NAV2: variants seen among roughly 807,000 people sequenced by gnomAD.
NAV2 encodes the protein helicase, APC down-regulated 1.
A neutral mutation model predicts 223.2 loss-of-function variants in NAV2; 54 were observed. The observed-to-expected ratio is 0.24, with a 90% CI of 0.19 to 0.30. NAV2 has a LOEUF of 0.30. Among genes scored for constraint, NAV2 ranks in the 10% least tolerant of loss-of-function variants. The probability of loss-of-function intolerance (pLI) is 1.00; values close to 1 mark genes in which losing one functional copy is unlikely to be tolerated. For missense variants in NAV2, 2,806 were observed against 3,147.5 expected (o/e 0.89, Z 2.60); for synonymous variants, 1,279 against 1,239.3 (o/e 1.03, Z -0.67).
At chr11:19,528,855 G>A (rs973607632) in intron 1 of NAV2, among the ~76,000 whole-genome samples, 2 of 150,524 alleles carry the variant, frequency 1.3e-5, no homozygotes, top group Admixed American at 6.6e-5. Context: ...ACTTGAACTC[G>A]GGAGGTGGAG....
At chr11:19,988,917 G>A (rs1555181975) in intron 11 of NAV2, among the ~76,000 whole-genome samples, 1 of 152,186 alleles carries the variant, frequency 6.6e-6, no homozygotes, top group Non-Finnish European at 1.5e-5. Flanking sequence ...TGATCTGGAG[G>A]AAAGAGTTTA....
At chr11:19,534,971 G>A in intron 1 of NAV2, among the ~76,000 whole-genome samples, 1 of 152,264 alleles carries the variant, frequency 6.6e-6, no homozygotes, top group East Asian at 1.9e-4. Context: ...TTCCATTGTA[G>A]GGCTGTTTTG....
intron 1 of NAV2, among the ~76,000 whole-genome samples, chr11:19,672,093 G>A (rs540061728): frequency 6.6e-6 from 1 of 152,318 alleles, no homozygotes; most frequent in East Asian, 1.9e-4. Flanking sequence ...GGAGGAATGA[G>A]ATTAGGCTGA....
At chr11:19,496,750 G>A (rs564264101) in intron 1 of NAV2, among the ~76,000 whole-genome samples, 126 of 152,210 alleles carry the variant, frequency 8.3e-4, no homozygotes, top group African/African-American at 3.0e-3. Context: ...TAATGCTATC[G>A]AATGAACAAG....
At chr11:19,755,251 A>G (rs1002338163) in intron 1 of NAV2, among the ~76,000 whole-genome samples, 1 of 152,228 alleles carries the variant, frequency 6.6e-6, no homozygotes, top group Middle Eastern at 3.2e-3. Flanking sequence ...GTAGACAACT[A>G]AAAATAAGAG....
intron 11 of NAV2, among the ~76,000 whole-genome samples, chr11:20,005,691 GCT>G (rs1348825093): frequency 6.6e-6 from 1 of 152,182 alleles, no homozygotes; most frequent in African/African-American, 2.4e-5. Flanking sequence ...TGAGCTGAAT[GCT>G]CAAAGTATTT....
chr11:19,550,440 T>C (rs2044653233), intron 1 of NAV2, among the ~76,000 whole-genome samples: 2 of 152,316 alleles, frequency 1.3e-5, no homozygotes, highest in Middle Eastern at 3.4e-3. Flanking sequence ...AAGTCTGGGA[T>C]TGACAATTTC....
rs967811447 is a variant in NAV2, at chr11:19,975,054, A to C, written c.2646-9071A>C. ...CACCATCTGTTTCATTCTAAGAAAG[A>C]GCTTAAAGGGGCTTTGTCTAGAGAA... is the stretch of plus-strand genomic sequence containing the variant. On this transcript the variant is annotated intron_variant, in intron 10 of 37. Transcript: ENST00000349880. Among the ~76,000 whole-genome samples, 3 of 152,166 alleles carry C rather than the reference A, an allele frequency of 2.0e-5. No homozygotes were observed. In the East Asian group the frequency reaches 5.8e-4, roughly 29 times the overall value.
At chr11:19,399,159 A>G (rs1397663378) in intron 1 of NAV2, among the ~76,000 whole-genome samples, 1 of 152,194 alleles carries the variant, frequency 6.6e-6, no homozygotes, top group Non-Finnish European at 1.5e-5. Context: ...GATATTAAGA[A>G]GATAAATTAG....
chr11:19,858,089 CT>C (rs1365424276), intron 3 of NAV2, among the ~76,000 whole-genome samples: 1 of 152,198 alleles, frequency 6.6e-6, no homozygotes, highest in Non-Finnish European at 1.5e-5. Context: ...ATCTCCTGAC[CT>C]TGTGATCCAC....
chr11:19,526,553 T>C (rs1005598283), intron 1 of NAV2, among the ~76,000 whole-genome samples: 3 of 152,118 alleles, frequency 2.0e-5, no homozygotes, highest in Admixed American at 1.3e-4. Context: ...CACTCCAGGA[T>C]TGGATGAAGA....
intron 2 of NAV2, among the ~76,000 whole-genome samples, chr11:19,836,547 G>A (rs1167311563): frequency 7.1e-6 from 1 of 140,308 alleles, no homozygotes; most frequent in Non-Finnish European, 1.5e-5. Context: ...CTGGGCGACA[G>A]AGCGAGACTC....
intron 1 of NAV2, among the ~76,000 whole-genome samples, chr11:19,522,778 C>T (rs1202373341): frequency 1.2e-4 from 18 of 152,182 alleles, no homozygotes; most frequent in Admixed American, 1.2e-3. Flanking sequence ...ATGCTCTGTC[C>T]AAGCTGTTAT....
chr11:19,384,683 C>T (rs552201040), intron 1 of NAV2: 2 of 152,246 alleles, frequency 1.3e-5, no homozygotes, highest in East Asian at 3.9e-4. Context: ...CTCCAGGTGC[C>T]CAGTGAATAT....
At chr11:19,942,965 AG>A (rs1349986206) in intron 8 of NAV2, among the ~76,000 whole-genome samples, 3 of 152,212 alleles carry the variant, frequency 2.0e-5, no homozygotes, top group Non-Finnish European at 4.4e-5. Context: ...CCTGAGCAAC[AG>A]AGCAAGACCC....
intron 1 of NAV2, among the ~76,000 whole-genome samples, chr11:19,673,855 A>T (rs896229606): frequency 6.6e-6 from 1 of 152,158 alleles, no homozygotes; most frequent in African/African-American, 2.4e-5. Context: ...AGCAAGCCCT[A>T]TTAGAAACAA....
chr11:19,810,908 A>T (rs909501129), intron 1 of NAV2, among the ~76,000 whole-genome samples: 10 of 152,152 alleles, frequency 6.6e-5, no homozygotes, highest in African/African-American at 2.2e-4. Context: ...TCTTTTTATA[A>T]TATCTTTATT....
At chr11:19,551,173 C>T (rs2044677998) in intron 1 of NAV2, among the ~76,000 whole-genome samples, 1 of 152,274 alleles carries the variant, frequency 6.6e-6, no homozygotes, top group Admixed American at 6.5e-5. Context: ...CTAAGCCCCA[C>T]TTTGGGGTTT....
chr11:19,797,137 T>TG (rs1488676184), intron 1 of NAV2, among the ~76,000 whole-genome samples: 1 of 152,144 alleles, frequency 6.6e-6, no homozygotes, highest in Non-Finnish European at 1.5e-5. Context: ...CAGGAGAATG[T>TG]GGGCCTGGTC....
Sources: allele counts gnomAD v4.1 joint callset (sites outside exome capture counted in the v4.1 genomes callset), GRCh38; gene constraint gnomAD v4.1.1; transcripts MANE v1.5; gene names NCBI Gene and HGNC (gene_info 2026-07-23, HGNC 2026-07-21).